The following LITAF variants were observed in gnomAD, a reference collection of about 807,000 sequenced individuals.
LITAF encodes lipopolysaccharide-induced tumor necrosis factor-alpha factor.
A neutral mutation model predicts 14.5 loss-of-function variants in LITAF; 9 were observed. The observed-to-expected ratio is 0.62, with a 90% CI of 0.37 to 1.08. LITAF has a LOEUF of 1.08. LITAF is among the 50% of genes least tolerant of loss of function. The pLI is 0.01. For missense variants in LITAF, 206 were observed against 213.4 expected (o/e 0.97, Z 0.22); for synonymous variants, 98 against 88.2 (o/e 1.11, Z -0.62).
At chr16:11,595,176 A>G (rs996570906) in intron 1 of LITAF, among the ~76,000 whole-genome samples, 2 of 152,158 alleles carry the variant, frequency 1.3e-5, no homozygotes, top group Non-Finnish European at 2.9e-5. Context: ...TGTTTCCCAC[A>G]TACATCACAC....
At chr16:11,568,341 AT>A (rs2064489052) in intron 1 of LITAF, among the ~76,000 whole-genome samples, 1 of 151,482 alleles carries the variant, frequency 6.6e-6, no homozygotes, top group Admixed American at 6.6e-5. Flanking sequence ...TGTATTATCC[AT>A]TCAGAACCTT....
intron 1 of LITAF, among the ~76,000 whole-genome samples, chr16:11,584,801 G>T (rs539315635): frequency 6.6e-6 from 1 of 152,120 alleles, no homozygotes; most frequent in Non-Finnish European, 1.5e-5. Context: ...TCCTTTACAC[G>T]GCAAGGGTAG....
At chr16:11,559,109 A>T (rs555684680) in intron 1 of LITAF, among the ~76,000 whole-genome samples, 5 of 152,274 alleles carry the variant, frequency 3.3e-5, no homozygotes, top group Non-Finnish European at 7.4e-5. Flanking sequence ...TAAAAAAATT[A>T]GCCAGGCATG....
At position 11,605,346 on chromosome 16, in the gene LITAF, C is replaced by T. The variant is rs759755261; in HGVS notation, c.85+28187G>A. On this transcript the variant is annotated intron_variant, in intron 3 of 3. Transcript: ENST00000574848. This position sits in a 1 kb window ranked among gnomAD's most constrained non-coding sequence, Gnocchi z 4.7. ...CTGGCTATGTCTTCAGAAACCCCCA[C>T]GAGGCCCAGGATTCCTCCCAGGCGG... 7.2e-5 allele frequency among the ~76,000 whole-genome samples: 11 copies of T among 152,134 alleles called. No individual in the cohort carries two copies. The highest frequency in any genetic ancestry group is 1.3e-4 in the Non-Finnish European group (9 of 68,014).
upstream of LITAF, among the ~76,000 whole-genome samples, chr16:11,638,347 G>C (rs1431494295): frequency 6.6e-6 from 1 of 151,784 alleles, no homozygotes; most frequent in Non-Finnish European, 1.5e-5. Flanking sequence ...CATGGTAACA[G>C]CATGATTTCT....
chr16:11,588,178 G>A (rs9925640), upstream of LITAF, among the ~76,000 whole-genome samples: 1 of 152,124 alleles, frequency 6.6e-6, no homozygotes, highest in South Asian at 2.1e-4. Flanking sequence ...TGTTATTAGT[G>A]TGGGCAACAT....
At chr16:11,619,134 A>T (rs1470324578) in intron 3 of LITAF, among the ~76,000 whole-genome samples, 1 of 151,976 alleles carries the variant, frequency 6.6e-6, no homozygotes, top group Non-Finnish European at 1.5e-5. Flanking sequence ...AACATGGCAA[A>T]ACCCCTTCTC....
intron 1 of LITAF, among the ~76,000 whole-genome samples, chr16:11,572,629 A>G (rs1348810737): frequency 2.0e-5 from 3 of 152,246 alleles, no homozygotes; most frequent in Non-Finnish European, 4.4e-5. Flanking sequence ...GCCACAGGGC[A>G]TCAGGCCAGC....
In LITAF at chr16:11,605,522, G is replaced by A. The variant is rs1409025808; in HGVS notation, c.85+28011C>T. On this transcript the variant is annotated intron_variant, in intron 3 of 3. Transcript: ENST00000574848. The surrounding 1 kb of genome is among the most constrained non-coding windows in gnomAD (Gnocchi z 4.7). Reference sequence around the variant, plus strand: ...CACAGGAGGGAGACTCCTAGGCAGGGGCCGCAAGGAAGGAAGGGAAGAAAA... The same window carrying A: ...CACAGGAGGGAGACTCCTAGGCAGGAGCCGCAAGGAAGGAAGGGAAGAAAA... 2.0e-5 allele frequency among the ~76,000 whole-genome samples: 3 copies of A among 152,100 alleles called. No individual in the cohort carries two copies. The highest frequency in any genetic ancestry group is 2.9e-5 in the Non-Finnish European group (2 of 68,016).
intron 2 of LITAF, among the ~76,000 whole-genome samples, chr16:11,554,031 G>C (rs1037813274): frequency 6.6e-6 from 1 of 152,048 alleles, no homozygotes; most frequent in African/African-American, 2.4e-5. Flanking sequence ...AGGAGTTTGA[G>C]ATCAGCCTAG....
chr16:11,619,392 C>G (rs1405251555), intron 3 of LITAF, among the ~76,000 whole-genome samples: 5 of 152,148 alleles, frequency 3.3e-5, no homozygotes, highest in African/African-American at 1.2e-4. Context: ...AGGCAAAGAC[C>G]AGTGCCCCAA....
upstream of LITAF, among the ~76,000 whole-genome samples, chr16:11,590,755 T>C (rs2064841954): frequency 8.5e-5 from 10 of 117,906 alleles, 3 homozygotes; most frequent in Admixed American, 8.3e-4. Flanking sequence ...GTTTTTGAGA[T>C]AGAGTCTCGT....
intron 3 of LITAF, among the ~76,000 whole-genome samples, chr16:11,614,442 G>A (rs1036153594): frequency 4.6e-5 from 7 of 151,462 alleles, no homozygotes; most frequent in African/African-American, 1.5e-4. Context: ...TGGGATTATA[G>A]GCACACACCA....
Position 11,553,687 on chromosome 16 carries a change from T to C in LITAF, c.223A>G (p.Thr75Ala), listed in dbSNP as rs756539992. The C allele has an allele frequency of 3.1e-6, 5 of 1,613,926 alleles. No individual in the cohort carries two copies. Among genetic ancestry groups the C allele is most frequent in the Admixed American group, 1.7e-5 (1 of 59,976 alleles). ...PAPIPNNNPITVQTVYVQHPI... is the reference protein window; with the variant it reads ...PAPIPNNNPIAVQTVYVQHPI... ...TGCTGCACGTAGACCGTCTGCACGG[T>C]AACTGATGAAAGGGAGAGGGACAAA... is the stretch of plus-strand genomic sequence containing the variant. Residue 75 changes from threonine to alanine, a missense_variant and splice_region_variant, in exon 3 of 4, where the codon ACC (threonine) becomes GCC (alanine). By Grantham distance (58) the Thr-to-Ala change is moderately conservative (BLOSUM62 0). Transcript: ENST00000622633. The surrounding 1 kb of genome is among the most constrained non-coding windows in gnomAD (Gnocchi z 7.7).
At chr16:11,582,936 G>T (rs2064760934) in intron 1 of LITAF, among the ~76,000 whole-genome samples, 1 of 152,172 alleles carries the variant, frequency 6.6e-6, no homozygotes, top group Non-Finnish European at 1.5e-5. Flanking sequence ...CTGCAATACG[G>T]TTTTTGTTGT....
At chr16:11,566,682 C>T (rs766199748) in intron 1 of LITAF, among the ~76,000 whole-genome samples, 46 of 151,924 alleles carry the variant, frequency 3.0e-4, no homozygotes, top group Non-Finnish European at 2.4e-4. Flanking sequence ...GAGGATCCCT[C>T]GATCACTTGA....
upstream of LITAF, among the ~76,000 whole-genome samples, chr16:11,601,483 C>G (rs1323248549): frequency 6.6e-6 from 1 of 152,202 alleles, no homozygotes; most frequent in East Asian, 1.9e-4. Context: ...CTTTCTGAAC[C>G]AAGAATATCC....
chr16:11,637,858 G>A (rs2065143896), upstream of LITAF, among the ~76,000 whole-genome samples: 1 of 140,542 alleles, frequency 7.1e-6, no homozygotes, highest in South Asian at 2.2e-4. Flanking sequence ...GCTAGTCTGG[G>A]TGACAGAGTG....
rs57762611 is a variant in LITAF, at chr16:11,579,459, A to AAAAATAAAATAAAAT, written c.-6+7412_-6+7426dup. 1.9e-3 allele frequency among the ~76,000 whole-genome samples: 208 copies of AAAAATAAAATAAAAT among 110,368 alleles called. 7 individuals carry two copies. The highest frequency in any genetic ancestry group is 5.1e-3 in the South Asian group (14 of 2,724). 72.4% of individuals were successfully genotyped at this position (110,368 alleles called of 152,430 possible). Reference sequence around the variant, plus strand: ...GGCGACAGAGCGAGACTCCGTCTCAAAAAATAAAATAAAATAAAATAAAAT... The same window carrying AAAAATAAAATAAAAT: ...GGCGACAGAGCGAGACTCCGTCTCAAAAAATAAAATAAAATAAAATAAAATAAAATAAAATAAAAT... On this transcript the variant is annotated intron_variant, in intron 1 of 3. Coordinates refer to ENST00000622633, the MANE Select transcript of LITAF (RefSeq NM_001136472.2).
Sources: gnomAD v4.1 joint callset for allele counts (sites outside exome capture counted in the v4.1 genomes callset) on GRCh38, gnomAD v4.1.1 for gene constraint, Gnocchi (gnomAD v3.1) non-coding constraint, MANE v1.5 for transcripts, NCBI Gene and HGNC (gene_info 2026-07-23, HGNC 2026-07-21) for gene names.